PPFIA2: variants seen among roughly 807,000 people sequenced by gnomAD.
The protein encoded by PPFIA2 is PPFI scaffold protein A2.
A neutral mutation model predicts 175.5 loss-of-function variants in PPFIA2; 46 were observed. The observed-to-expected ratio is 0.26, with a 90% CI of 0.21 to 0.34. PPFIA2 has a LOEUF of 0.34. Among genes scored for constraint, PPFIA2 ranks in the 10% least tolerant of loss-of-function variants. The probability of loss-of-function intolerance (pLI) is 1.00; values close to 1 mark genes in which losing one functional copy is unlikely to be tolerated. For missense variants in PPFIA2, 1,179 were observed against 1,506.1 expected (o/e 0.78, Z 3.60); for synonymous variants, 568 against 511.4 (o/e 1.11, Z -1.49).
intron 4 of PPFIA2, among the ~76,000 whole-genome samples, chr12:81,624,628 TATATATTATATATGTATAAC>T (rs1319615222): frequency 1.4e-5 from 2 of 146,490 alleles, no homozygotes; most frequent in Non-Finnish European, 3.0e-5. Context: ...ATATATATAA[TATATATTATATATGTATAAC>T]ATATATATAA....
intron 4 of PPFIA2, among the ~76,000 whole-genome samples, chr12:81,514,138 C>A (rs1293013948): frequency 1.3e-5 from 2 of 151,850 alleles, no homozygotes; most frequent in South Asian, 2.1e-4. Flanking sequence ...AAAATTTATT[C>A]ATTGATTCTG....
intron 4 of PPFIA2, among the ~76,000 whole-genome samples, chr12:81,591,191 G>T (rs962346802): frequency 6.6e-6 from 1 of 152,086 alleles, no homozygotes; most frequent in African/African-American, 2.4e-5. Flanking sequence ...TTTTGCCCTT[G>T]CCCTAAAGAT....
intron 4 of PPFIA2, among the ~76,000 whole-genome samples, chr12:81,560,090 T>C (rs1038717971): frequency 3.3e-4 from 51 of 152,282 alleles, no homozygotes; most frequent in Non-Finnish European, 5.3e-4. Context: ...CCTGTGATCC[T>C]GAATAATACA....
intron 15 of PPFIA2, among the ~76,000 whole-genome samples, chr12:81,361,704 A>G (rs370573065): frequency 6.6e-6 from 1 of 151,752 alleles, no homozygotes; most frequent in East Asian, 1.9e-4. Context: ...TATGCAAGAT[A>G]GTTTTTTAGG....
chr12:81,738,151 CAATT>C (rs1283049603), intron 3 of PPFIA2, among the ~76,000 whole-genome samples: 1 of 148,010 alleles, frequency 6.8e-6, no homozygotes, highest in Non-Finnish European at 1.5e-5. Context: ...AAAGAAGAAA[CAATT>C]AAATTGACAC....
rs1185547704 is a variant in PPFIA2 at position 81,344,644 on chromosome 12, G to A, written c.2262+20C>T. 1 of 1,524,798 alleles carries A rather than the reference G, an allele frequency of 6.6e-7. No homozygotes were observed. The highest frequency in any genetic ancestry group is 1.7e-4 in the Middle Eastern group (1 of 5,884). 94.5% of individuals were successfully genotyped at this position (1,524,798 alleles called of 1,614,324 possible). On this transcript the variant is annotated intron_variant, in intron 19 of 32. Transcript: ENST00000549396. ...AAAACAGTATTCAATTCGTAATGAT[G>A]TAAAAGTTATTTACTGTACCTTTCT...
intron 3 of PPFIA2, among the ~76,000 whole-genome samples, chr12:81,691,667 A>G (rs2075261951): frequency 6.6e-6 from 1 of 152,100 alleles, no homozygotes; most frequent in Admixed American, 6.6e-5. Flanking sequence ...TACAGATTGC[A>G]TTTGCCAAGT....
intron 7 of PPFIA2, among the ~76,000 whole-genome samples, chr12:81,408,771 A>G (rs1005746212): frequency 6.6e-6 from 1 of 152,214 alleles, no homozygotes; most frequent in African/African-American, 2.4e-5. Flanking sequence ...TTTGTTTTGT[A>G]AAAATGAATC....
chr12:81,481,664 G>A (rs2058244494), intron 4 of PPFIA2, among the ~76,000 whole-genome samples: 1 of 152,116 alleles, frequency 6.6e-6, no homozygotes, highest in Non-Finnish European at 1.5e-5. Flanking sequence ...TTCATCAATG[G>A]TGCTGGGAAA....
At chr12:81,523,930 A>G (rs956174373) in intron 4 of PPFIA2, among the ~76,000 whole-genome samples, 1 of 152,156 alleles carries the variant, frequency 6.6e-6, no homozygotes, top group African/African-American at 2.4e-5. Context: ...ACAAAACTGA[A>G]CCTTTAGAAC....
At chr12:81,463,591 TTCTC>T (rs2055049048) in intron 4 of PPFIA2, among the ~76,000 whole-genome samples, 1 of 152,140 alleles carries the variant, frequency 6.6e-6, no homozygotes. Context: ...AGGGGTGCCC[TTCTC>T]TTTCTTAGTG....
intron 25 of PPFIA2, among the ~76,000 whole-genome samples, chr12:81,283,957 T>C (rs1226644873): frequency 6.6e-6 from 1 of 152,154 alleles, no homozygotes; most frequent in Non-Finnish European, 1.5e-5. Flanking sequence ...TAAATATTTG[T>C]TACAAAAACT....
chr12:81,663,777 G>C (rs2069479577), intron 4 of PPFIA2, among the ~76,000 whole-genome samples: 1 of 152,090 alleles, frequency 6.6e-6, no homozygotes, highest in Non-Finnish European at 1.5e-5. Context: ...CACACTACCT[G>C]ACTTCAAACT....
intron 8 of PPFIA2, among the ~76,000 whole-genome samples, chr12:81,385,267 A>G (rs1227890438): frequency 6.6e-6 from 1 of 152,182 alleles, no homozygotes; most frequent in South Asian, 2.1e-4. Context: ...TAAAAATGTA[A>G]ATTAGTATAG....
intron 4 of PPFIA2, among the ~76,000 whole-genome samples, chr12:81,633,164 A>C (rs1009134727): frequency 6.6e-6 from 1 of 152,050 alleles, no homozygotes. Flanking sequence ...GAGTGTGGCT[A>C]TTTTTATTAC....
chr12:81,458,923 A>T (rs946637910), intron 4 of PPFIA2, among the ~76,000 whole-genome samples: 17 of 152,198 alleles, frequency 1.1e-4, no homozygotes, highest in African/African-American at 4.1e-4. Context: ...AGAAGATTAA[A>T]AAACATAAAA....
chr12:81,287,420 T>C (rs1052345368), intron 24 of PPFIA2, among the ~76,000 whole-genome samples: 6 of 151,950 alleles, frequency 3.9e-5, no homozygotes, highest in Non-Finnish European at 7.4e-5. Context: ...TATGGTTTTA[T>C]CTGTTTCATT....
intron 6 of PPFIA2, among the ~76,000 whole-genome samples, chr12:81,445,094 A>T (rs1479750048): frequency 6.6e-6 from 1 of 151,924 alleles, no homozygotes; most frequent in Non-Finnish European, 1.5e-5. Context: ...AGAAAATAAG[A>T]TGCTTCTAAA....
At chr12:81,443,282 T>A (rs1458982424) in intron 6 of PPFIA2, among the ~76,000 whole-genome samples, 3 of 152,048 alleles carry the variant, frequency 2.0e-5, no homozygotes, top group African/African-American at 7.2e-5. Context: ...GAATGAATGA[T>A]CAAGTCACTT....
Sources: gnomAD v4.1 joint callset for allele counts (sites outside exome capture counted in the v4.1 genomes callset) on GRCh38, gnomAD v4.1.1 for gene constraint, MANE v1.5 for transcripts, NCBI Gene and HGNC (gene_info 2026-07-23, HGNC 2026-07-21) for gene names.